ARHGAP15: variants seen among roughly 807,000 people sequenced by gnomAD.
ARHGAP15 encodes Rho GTPase activating protein 15, also known as rho GTPase-activating protein 15.
A neutral mutation model predicts 63.7 loss-of-function variants in ARHGAP15; 51 were observed. The ratio of observed to expected loss-of-function variants is 0.80; its 90% CI spans 0.64 to 1.01. The LOEUF is 1.01. Among genes scored for constraint, ARHGAP15 ranks in the 50% least tolerant of loss-of-function variants. The pLI, the probability that ARHGAP15 is intolerant of heterozygous loss-of-function variation, is 0.00. For missense variants in ARHGAP15, 560 were observed against 564.6 expected (o/e 0.99, Z 0.08); for synonymous variants, 191 against 193.8 (o/e 0.99, Z 0.12).
At chr2:143,314,956 C>T (rs868168929) in intron 6 of ARHGAP15, among the ~76,000 whole-genome samples, 60 of 152,218 alleles carry the variant, frequency 3.9e-4, no homozygotes, top group African/African-American at 1.4e-3. Flanking sequence ...ATATATAATG[C>T]AAGACAAAAT....
chr2:143,495,620 A>C (rs1330647024), intron 9 of ARHGAP15, among the ~76,000 whole-genome samples: 1 of 152,216 alleles, frequency 6.6e-6, no homozygotes, highest in Non-Finnish European at 1.5e-5. Flanking sequence ...TTATGTTGAG[A>C]AACAAAAAAA....
intron 11 of ARHGAP15, among the ~76,000 whole-genome samples, chr2:143,605,969 G>A (rs1329510639): frequency 7.0e-6 from 1 of 142,480 alleles, no homozygotes; most frequent in East Asian, 2.2e-4. Flanking sequence ...CTGGCAGGCA[G>A]GGGTTGCAGT....
chr2:143,575,823 A>T (rs1359058963), intron 11 of ARHGAP15, among the ~76,000 whole-genome samples: 4 of 152,110 alleles, frequency 2.6e-5, no homozygotes, highest in Non-Finnish European at 5.9e-5. Context: ...CCCATATTGT[A>T]TTCTGTTTTG....
intron 11 of ARHGAP15, among the ~76,000 whole-genome samples, chr2:143,613,451 CATA>C: frequency 6.6e-6 from 1 of 152,286 alleles, no homozygotes; most frequent in East Asian, 1.9e-4. Flanking sequence ...TGGAGACCAA[CATA>C]ATCCAATTAA....
chr2:143,388,115 C>G (rs751183728), intron 6 of ARHGAP15, among the ~76,000 whole-genome samples: 13 of 152,152 alleles, frequency 8.5e-5, no homozygotes, highest in Non-Finnish European at 1.6e-4. Flanking sequence ...GTGCACCTGA[C>G]AGTTAAGTGA....
chr2:143,178,311 C>A (rs1691088118), intron 2 of ARHGAP15, among the ~76,000 whole-genome samples: 1 of 152,056 alleles, frequency 6.6e-6, no homozygotes, highest in African/African-American at 2.4e-5. Context: ...ATGAGAAATA[C>A]AAAAGTATTC....
intron 8 of ARHGAP15, among the ~76,000 whole-genome samples, chr2:143,438,798 T>C (rs955451604): frequency 3.9e-5 from 6 of 152,302 alleles, no homozygotes; most frequent in African/African-American, 1.4e-4. Flanking sequence ...AGTATATATT[T>C]AGTGTTAATC....
chr2:143,535,821 A>G (rs186352428), intron 10 of ARHGAP15, among the ~76,000 whole-genome samples: 114 of 152,362 alleles, frequency 7.5e-4, no homozygotes, highest in African/African-American at 2.5e-3. Context: ...CATGAGATAC[A>G]TTTATAATTG....
chr2:143,188,597 T>C (rs547464645), intron 2 of ARHGAP15, among the ~76,000 whole-genome samples: 5 of 146,472 alleles, frequency 3.4e-5, no homozygotes, highest in Admixed American at 2.1e-4. Flanking sequence ...TGTGTTCCTG[T>C]GCCTTATTAT....
At chr2:143,284,558 T>C (rs1682003147) in intron 6 of ARHGAP15, among the ~76,000 whole-genome samples, 1 of 152,206 alleles carries the variant, frequency 6.6e-6, no homozygotes, top group Non-Finnish European at 1.5e-5. Flanking sequence ...CTCTTGGTTA[T>C]GATAATGATG....
At chr2:143,678,782 A>C (rs1402622969) in intron 12 of ARHGAP15, among the ~76,000 whole-genome samples, 1 of 152,208 alleles carries the variant, frequency 6.6e-6, no homozygotes, top group African/African-American at 2.4e-5. Context: ...CCCAAACTTC[A>C]TTGATCCATA....
At chr2:143,447,140 C>A (rs1045035733) in intron 8 of ARHGAP15, among the ~76,000 whole-genome samples, 1 of 152,100 alleles carries the variant, frequency 6.6e-6, no homozygotes, top group Non-Finnish European at 1.5e-5. Context: ...TGGGTATATA[C>A]CCAGTAATGG....
intron 12 of ARHGAP15, among the ~76,000 whole-genome samples, chr2:143,636,453 A>T (rs950077339): frequency 6.6e-6 from 1 of 152,056 alleles, no homozygotes; most frequent in Non-Finnish European, 1.5e-5. Context: ...CAAATATTAG[A>T]CCCAGAAAGG....
At chr2:143,332,178 G>A (rs1684577886) in intron 6 of ARHGAP15, among the ~76,000 whole-genome samples, 1 of 152,108 alleles carries the variant, frequency 6.6e-6, no homozygotes, top group South Asian at 2.1e-4. Context: ...AGAAATTGAT[G>A]TCCTGGGAAC....
At chr2:143,259,269 T>G (rs1157849977) in intron 6 of ARHGAP15, among the ~76,000 whole-genome samples, 1 of 152,172 alleles carries the variant, frequency 6.6e-6, no homozygotes, top group African/African-American at 2.4e-5. Context: ...AGATGTTATT[T>G]GTCCATCAGA....
At chr2:143,637,061 T>C (rs1680351625) in intron 12 of ARHGAP15, among the ~76,000 whole-genome samples, 1 of 151,938 alleles carries the variant, frequency 6.6e-6, no homozygotes, top group Admixed American at 6.6e-5. Flanking sequence ...GCACTAATCC[T>C]ACCAGGAGAG....
chr2:143,767,857 A>G (rs1471369270), intron 13 of ARHGAP15, 132 bp from the exon 14 acceptor site: 2 of 860,358 alleles, frequency 2.3e-6, no homozygotes, highest in Non-Finnish European at 3.6e-6. Flanking sequence ...TAAAGTATGT[A>G]GGGTAGAAGA....
intron 12 of ARHGAP15, among the ~76,000 whole-genome samples, chr2:143,671,570 G>A (rs1682527469): frequency 6.6e-6 from 1 of 152,048 alleles, no homozygotes; most frequent in African/African-American, 2.4e-5. Flanking sequence ...CACACTTATA[G>A]GTGTCCAATT....
At chr2:143,161,281 G>A (rs1381069326) in intron 2 of ARHGAP15, among the ~76,000 whole-genome samples, 1 of 151,918 alleles carries the variant, frequency 6.6e-6, no homozygotes, top group African/African-American at 2.4e-5. Context: ...GCTATTCATA[G>A]AGTAATTAGC....
Sources: gnomAD v4.1 joint callset for allele counts (sites outside exome capture counted in the v4.1 genomes callset) on GRCh38, gnomAD v4.1.1 for gene constraint, MANE v1.5 for transcripts, NCBI Gene and HGNC (gene_info 2026-07-23, HGNC 2026-07-21) for gene names.